The following SUGCT variants were observed in gnomAD, a reference collection of about 807,000 sequenced individuals.
The protein encoded by SUGCT is succinyl-CoA:glutarate CoA-transferase.
A neutral mutation model predicts 55.0 loss-of-function variants in SUGCT; 41 were observed. That is an observed-to-expected ratio of 0.74 (90% CI 0.58 to 0.97). The LOEUF is 0.97. SUGCT is among the 50% of genes least tolerant of loss of function. SUGCT has a pLI of 0.00. For synonymous variants in SUGCT, 187 were observed against 200.4 expected, an observed-to-expected ratio of 0.93 and a Z score of 0.56; for missense variants, 568 against 547.8, an observed-to-expected ratio of 1.04 and a Z score of -0.37.
chr7:40,756,682 A>G (rs2128717636), intron 13 of SUGCT, among the ~76,000 whole-genome samples: 1 of 152,352 alleles, frequency 6.6e-6, no homozygotes, highest in African/African-American at 2.4e-5. Context: ...TTCAGCATAT[A>G]TCTCTCCATA....
chr7:40,713,400 T>C (rs117466299), intron 12 of SUGCT, among the ~76,000 whole-genome samples: 96 of 152,316 alleles, frequency 6.3e-4, no homozygotes, highest in Non-Finnish European at 1.1e-3. Context: ...TCCCATCTTT[T>C]CTTGGTTATC....
intron 9 of SUGCT, among the ~76,000 whole-genome samples, chr7:40,365,671 A>G (rs1783912214): frequency 6.6e-6 from 1 of 151,782 alleles, no homozygotes; most frequent in Non-Finnish European, 1.5e-5. Flanking sequence ...CAATTGCTTC[A>G]AAGAGAATAA....
intron 13 of SUGCT, among the ~76,000 whole-genome samples, chr7:40,846,921 C>A (rs1793584604): frequency 6.6e-6 from 1 of 152,144 alleles, no homozygotes; most frequent in Admixed American, 6.5e-5. Context: ...CTTTTAAATT[C>A]ATTTAGTGCA....
chr7:40,881,570 G>A, the SUGCT span, among the ~76,000 whole-genome samples: 3 of 152,204 alleles, frequency 2.0e-5, no homozygotes, highest in Non-Finnish European at 2.9e-5. Context: ...GGAGATGGGG[G>A]TGGCCCCATA....
At chr7:40,143,344 G>A (rs1236295541) in intron 1 of SUGCT, among the ~76,000 whole-genome samples, 1 of 152,220 alleles carries the variant, frequency 6.6e-6, no homozygotes, top group Non-Finnish European at 1.5e-5. Flanking sequence ...GGAGACATGA[G>A]GTAAAATTGA....
intron 9 of SUGCT, among the ~76,000 whole-genome samples, chr7:40,360,536 G>C (rs1472723951): frequency 6.6e-6 from 1 of 152,190 alleles, no homozygotes; most frequent in African/African-American, 2.4e-5. Flanking sequence ...CTTGCACCTA[G>C]AGAGAAAGTG....
At chr7:40,278,712 A>T (rs909867111) in intron 8 of SUGCT, among the ~76,000 whole-genome samples, 1 of 148,478 alleles carries the variant, frequency 6.7e-6, no homozygotes, top group Non-Finnish European at 1.5e-5. Context: ...ATCTTTCTTT[A>T]CTTTCCTGTT....
At chr7:40,574,882 A>G (rs576401099) in intron 12 of SUGCT, among the ~76,000 whole-genome samples, 1 of 152,296 alleles carries the variant, frequency 6.6e-6, no homozygotes, top group Non-Finnish European at 1.5e-5. Flanking sequence ...AATCCTGGAG[A>G]GTTAGGTTGG....
In SUGCT at chr7:40,399,038, A is replaced by C. The variant is rs75684444; in HGVS notation, c.817-50249A>C. On this transcript the variant is annotated intron_variant, in intron 9 of 13. Coordinates refer to ENST00000335693, the MANE Select transcript of SUGCT (RefSeq NM_001193313.2). ...TGTTTCACTGCCACTGCAATGTGGA[A>C]AGTGAATCTAGAAGGAGTATAATAG... is the stretch of plus-strand genomic sequence containing the variant. Among the ~76,000 whole-genome samples the C allele has an allele frequency of 2.6e-3, 398 of 152,288 alleles. 4 individuals carry two copies. The highest frequency in any genetic ancestry group is 8.7e-3 in the African/African-American group (362 of 41,576).
At chr7:40,570,823 C>G (rs1285834823) in intron 12 of SUGCT, among the ~76,000 whole-genome samples, 1 of 146,820 alleles carries the variant, frequency 6.8e-6, no homozygotes, top group Admixed American at 6.8e-5. Context: ...AACAGGTACA[C>G]TCCCCTCTGG....
Position 40,148,050 on chromosome 7 carries a change from A to G in SUGCT, c.100+12930A>G, listed in dbSNP as rs189324179. Among the ~76,000 whole-genome samples the G allele has an allele frequency of 2.0e-3, 304 of 152,248 alleles. 2 individuals carry two copies. The highest frequency in any genetic ancestry group is 3.4e-3 in the Non-Finnish European group (229 of 68,018). On this transcript the variant is annotated intron_variant, in intron 1 of 13. Transcript: ENST00000335693. ...GCTAGGGTTAGACCGCACAGGCTAA[A>G]CTAACTCTGATTGGCTAATTTAAAG...
chr7:40,600,822 T>G (rs1399978138), intron 12 of SUGCT, among the ~76,000 whole-genome samples: 4 of 151,932 alleles, frequency 2.6e-5, no homozygotes, highest in African/African-American at 9.7e-5. Flanking sequence ...ATGAGGATGA[T>G]GCTCAGAATT....
At chr7:40,530,230 A>G (rs1295204118) in intron 12 of SUGCT, among the ~76,000 whole-genome samples, 1 of 150,944 alleles carries the variant, frequency 6.6e-6, no homozygotes, top group African/African-American at 2.5e-5. Context: ...AATTCTAATT[A>G]TAACTTATAG....
intron 12 of SUGCT, among the ~76,000 whole-genome samples, chr7:40,640,559 A>G (rs1800225278): frequency 6.6e-6 from 1 of 152,180 alleles, no homozygotes; most frequent in South Asian, 2.1e-4. Context: ...AATATTTCTT[A>G]TTATATGGAT....
Position 40,449,347 on chromosome 7 carries a change from A to G in SUGCT, c.877A>G (p.Thr293Ala). Residue 293 changes from threonine (T) to alanine (A), a missense_variant, in exon 10 of 14, where the codon ACC (threonine) becomes GCC (alanine). Thr to Ala is a moderately conservative substitution (Grantham distance 58). Transcript: ENST00000335693. ...AGCAGGAAATAACCAGCAGTTTGCC[A>G]CCGTCTGCAAGGTAATCTATAATTA... is the stretch of plus-strand genomic sequence containing the variant. ...VGAGNNQQFA[T>A]VCKILDLPEL... The G allele has an allele frequency of 6.2e-7, 1 of 1,610,714 alleles. No homozygotes were observed. Among genetic ancestry groups the G allele is most frequent in the Non-Finnish European group, 8.5e-7 (1 of 1,177,494 alleles).
chr7:40,358,433 C>T (rs142449991), intron 9 of SUGCT, among the ~76,000 whole-genome samples: 87 of 152,232 alleles, frequency 5.7e-4, no homozygotes, highest in African/African-American at 1.5e-3. Context: ...ATTCAGAGGG[C>T]CGGGCGCAGT....
intron 12 of SUGCT, among the ~76,000 whole-genome samples, chr7:40,547,548 A>G (rs1376710938): frequency 6.6e-6 from 1 of 152,202 alleles, no homozygotes; most frequent in African/African-American, 2.4e-5. Flanking sequence ...AGGGAATGCC[A>G]ACATTGAGTT....
chr7:40,966,410 C>T, the SUGCT span: 1 of 152,208 alleles, frequency 6.6e-6, no homozygotes, highest in Admixed American at 6.5e-5. Context: ...AATTGACTGT[C>T]CTCTTTTGCC....
intron 8 of SUGCT, among the ~76,000 whole-genome samples, chr7:40,315,865 T>A (rs1379241439): frequency 1.3e-5 from 2 of 152,172 alleles, no homozygotes; most frequent in African/African-American, 2.4e-5. Context: ...TTTGATCACC[T>A]CCTTTCCATA....
Sources: gnomAD v4.1 joint callset for allele counts (sites outside exome capture counted in the v4.1 genomes callset) on GRCh38, gnomAD v4.1.1 for gene constraint, MANE v1.5 for transcripts, NCBI Gene and HGNC (gene_info 2026-07-23, HGNC 2026-07-21) for gene names.